The following GRHL1 variants were observed in gnomAD, a reference collection of about 807,000 sequenced individuals.
GRHL1 encodes the protein grainyhead-like protein 1 homolog.
GRHL1 carries 38 observed loss-of-function variants against 75.7 expected under a neutral mutation model. The observed-to-expected ratio is 0.50, with a 90% CI of 0.39 to 0.66. The LOEUF (loss-of-function observed/expected upper bound fraction) is 0.66, where lower values mean the gene tolerates loss of function less well. GRHL1 is among the 30% of genes least tolerant of loss of function. The pLI is 0.00. For synonymous variants in GRHL1, 266 were observed against 279.4 expected, an observed-to-expected ratio of 0.95 and a Z score of 0.48; for missense variants, 589 against 767.5, an observed-to-expected ratio of 0.77 and a Z score of 2.75.
intron 8 of GRHL1, among the ~76,000 whole-genome samples, chr2:9,975,878 ACT>A (rs1375368915): frequency 3.3e-5 from 5 of 152,142 alleles, no homozygotes; most frequent in South Asian, 2.1e-4. Flanking sequence ...AAGAAAAAAA[ACT>A]CTGTCTCAAA....
chr2:9,992,483 C>T lies in GRHL1; in HGVS notation c.1461+337C>T, dbSNP rs1360475220. Among the ~76,000 whole-genome samples, 1 of 152,050 alleles carries T rather than the reference C, an allele frequency of 6.6e-6. No homozygotes were observed. Among genetic ancestry groups the T allele is most frequent in the African/African-American group, 2.4e-5 (1 of 41,356 alleles). ...GAGCCTGTCATCTTTTTAAACTTAA[C>T]TTGGGGCAATACCTAGGTTAAGGAG... On this transcript the variant is annotated intron_variant, in intron 11 of 15. Transcript: ENST00000324907. This position sits in a 1 kb window ranked among gnomAD's most constrained non-coding sequence, Gnocchi z 4.6.
rs114205950 is a variant in GRHL1, at chr2:9,983,821, C to T, written c.1111-2303C>T. 5.3e-3 allele frequency among the ~76,000 whole-genome samples: 785 copies of T among 149,324 alleles called. 10 individuals carry two copies. The highest frequency in any genetic ancestry group is 0.018 in the African/African-American group (739 of 40,428). ...GAATGCATTCCACAGACTCTCCTTA[C>T]CTCTGATTTGTGGATTTAGAGATTG... is the stretch of plus-strand genomic sequence containing the variant. On this transcript the variant is annotated intron_variant, in intron 8 of 15. Transcript: ENST00000324907.
rs535988019 is a variant in GRHL1, at chr2:9,983,639, A to ACC, written c.1111-2484_1111-2483insCC. 4.2e-3 allele frequency among the ~76,000 whole-genome samples: 647 copies of ACC among 152,308 alleles called. 3 individuals carry two copies. Among genetic ancestry groups the ACC allele is most frequent in the African/African-American group, 0.014 (583 of 41,560 alleles). On this transcript the variant is annotated intron_variant, in intron 8 of 15. Coordinates refer to ENST00000324907, the MANE Select transcript of GRHL1 (RefSeq NM_198182.3). ...CCTGGAATCGTGAGGATGAAGTCGAACTTTCCCAGGCAGCTGTTTTTGAAC... is the reference window on the plus strand; with the variant it reads ...CCTGGAATCGTGAGGATGAAGTCGAACCCTTTCCCAGGCAGCTGTTTTTGAAC...
At chr2:9,970,229 G>A (rs545464568) in intron 8 of GRHL1, among the ~76,000 whole-genome samples, 10 of 152,216 alleles carry the variant, frequency 6.6e-5, no homozygotes, top group Non-Finnish European at 1.5e-4. Context: ...TCCTTACACT[G>A]TAAGGTGAAT....
chr2:9,971,658 A>T (rs765082111), intron 8 of GRHL1, among the ~76,000 whole-genome samples: 11 of 152,334 alleles, frequency 7.2e-5, no homozygotes, highest in Middle Eastern at 6.8e-3. Flanking sequence ...AAACAATGAA[A>T]TGTTTTTGTA....
chr2:9,961,486 A>G (rs1390348394), intron 4 of GRHL1, 50 bp downstream of exon 4: 15 of 1,504,664 alleles, frequency 1.0e-5, no homozygotes, highest in Non-Finnish European at 1.2e-5. Flanking sequence ...TTGTATAAGT[A>G]TTGGGTTCCA....
At position 9,955,073 on chromosome 2, in the gene GRHL1, C is replaced by T. The variant is rs770503406; in HGVS notation, c.179C>T (p.Ala60Val). 1 of 1,613,400 alleles carries T rather than the reference C, an allele frequency of 6.2e-7. No homozygotes were observed. The highest frequency in any genetic ancestry group is 8.5e-7 in the Non-Finnish European group (1 of 1,179,456). The part of the protein sequence containing the change: ...SINGDEDSAA[A>V]LGLLYDYYKV... ...AATGGAGATGAAGACAGCGCCGCTG[C>T]GCTGGGCCTGCTCTATGACTACTAC... Residue 60 changes from alanine (A) to valine (V), a missense_variant, in exon 2 of 16, where the codon GCG (alanine) becomes GTG (valine). This residue lies in a region of GRHL1 where 362 missense variants were observed against 461.8 expected (regional missense o/e 0.78). Transcript: ENST00000324907.
chr2:9,980,801 G>C (rs1286252856), intron 8 of GRHL1, among the ~76,000 whole-genome samples: 1 of 152,226 alleles, frequency 6.6e-6, no homozygotes, highest in Non-Finnish European at 1.5e-5. Flanking sequence ...CTGAAATGGG[G>C]CTTTTTAAGT....
rs1572322415 is a variant in GRHL1 at position 9,951,811 on chromosome 2, C to A, written c.-23C>A. 1 of 1,528,848 alleles carries A rather than the reference C, an allele frequency of 6.5e-7. No homozygotes were observed. Among genetic ancestry groups the A allele is most frequent in the Non-Finnish European group, 8.8e-7 (1 of 1,136,954 alleles). 94.7% of individuals were successfully genotyped at this position (1,528,848 alleles called of 1,614,324 possible). On this transcript the variant is annotated 5_prime_UTR_variant, in exon 1 of 16. Coordinates refer to ENST00000324907, the MANE Select transcript of GRHL1 (RefSeq NM_198182.3). The surrounding 1 kb of genome is among the most constrained non-coding windows in gnomAD (Gnocchi z 4.2). ...CCAACCCGAAAGTCCAGTTCTGCGG[C>A]CCGGCAGCGGCGAGCGGGCGCGATG...
At chr2:9,952,321 C>T (rs1404770027) in intron 1 of GRHL1, among the ~76,000 whole-genome samples, 1 of 152,232 alleles carries the variant, frequency 6.6e-6, no homozygotes, top group Non-Finnish European at 1.5e-5. Context: ...AGGCTCGTCA[C>T]TCGGCGACCT....
chr2:9,987,215 C>T lies in GRHL1; in HGVS notation c.1269+933C>T, dbSNP rs1208349959. On this transcript the variant is annotated intron_variant, in intron 9 of 15. Transcript: ENST00000324907. This position sits in a 1 kb window ranked among gnomAD's most constrained non-coding sequence, Gnocchi z 4.2. ...CTTGAATTCCTGGCCTCATGTGATG[C>T]GCCCACTTTGGCTTCCCAAAGTGCT... 1.3e-5 allele frequency among the ~76,000 whole-genome samples: 2 copies of T among 151,990 alleles called. No individual in the cohort carries two copies. The highest frequency in any genetic ancestry group is 2.9e-5 in the Non-Finnish European group (2 of 67,982).
In GRHL1 at chr2:9,951,727, GC is replaced by G; in HGVS notation, c.-105del. On this transcript the variant is annotated 5_prime_UTR_variant, in exon 1 of 16. Coordinates refer to ENST00000324907, the MANE Select transcript of GRHL1 (RefSeq NM_198182.3). The surrounding 1 kb of genome is among the most constrained non-coding windows in gnomAD (Gnocchi z 4.2). ...AAAGCAAACCCAACCCGTCGGGGCC[GC>G]CGCTCCGGACCCGCAGCCGCCGCCG... The G allele has an allele frequency of 9.2e-7, 1 of 1,083,018 alleles. No homozygotes were observed. Among genetic ancestry groups the G allele is most frequent in the Non-Finnish European group, 1.3e-6 (1 of 767,462 alleles). 67.1% of individuals were successfully genotyped at this position (1,083,018 alleles called of 1,614,324 possible). A position where few individuals can be genotyped will look rare whatever the true frequency, so the allele number is the denominator to read the frequency against.
chr2:9,953,231 GAGA>G (rs1263455580), intron 1 of GRHL1, among the ~76,000 whole-genome samples: 4 of 152,214 alleles, frequency 2.6e-5, no homozygotes, highest in Admixed American at 6.5e-5. Context: ...ATGTGGGTGG[GAGA>G]AGAAGGGAAG....
At chr2:9,967,272 C>A (rs937441221) in intron 8 of GRHL1, among the ~76,000 whole-genome samples, 3 of 152,220 alleles carry the variant, frequency 2.0e-5, no homozygotes, top group Non-Finnish European at 4.4e-5. Context: ...AGCTCTTCTT[C>A]GTTGGGTGTG....
rs534808349 is a variant in GRHL1, at chr2:9,958,642, G to A, written c.208-144G>A. 5.8e-5 allele frequency: 34 copies of A among 584,332 alleles called. No individual in the cohort carries two copies. In the South Asian group the frequency reaches 7.1e-4, roughly 12 times the overall value. 36.2% of individuals were successfully genotyped at this position (584,332 alleles called of 1,614,324 possible). ...TCGTTGAGGGCAGATATTATAATTT[G>A]TGTGTCCCCATAGCCTGGTGTTTGC... On this transcript the variant is annotated intron_variant, in intron 2 of 15. Transcript: ENST00000324907.
chr2:9,979,136 G>GGC (rs1169326057), intron 8 of GRHL1, among the ~76,000 whole-genome samples: 5 of 67,012 alleles, frequency 7.5e-5, no homozygotes, highest in Admixed American at 2.2e-4. Flanking sequence ...TTCCAGCCTG[G>GGC]GCAAGACTCT....
rs959628759 is a variant in GRHL1 at position 9,987,502 on chromosome 2, A to G, written c.1269+1220A>G. ...AGCTGTGTCCGAGTGGCTGAATCAC[A>G]AAGTGCTGTGCCTTCACAGCCCTCT... On this transcript the variant is annotated intron_variant, in intron 9 of 15. Transcript: ENST00000324907. The surrounding 1 kb of genome is among the most constrained non-coding windows in gnomAD (Gnocchi z 4.2). 6.6e-6 allele frequency among the ~76,000 whole-genome samples: 1 copy of G among 152,168 alleles called. No individual in the cohort carries two copies. Among genetic ancestry groups the G allele is most frequent in the Non-Finnish European group, 1.5e-5 (1 of 68,026 alleles).
intron 4 of GRHL1, 86 bp downstream of exon 4, chr2:9,961,522 A>G (rs1484433027): frequency 3.9e-6 from 5 of 1,298,436 alleles, no homozygotes; most frequent in Non-Finnish European, 5.3e-6. Context: ...GTAAGCATGA[A>G]ACTCAGCCTG....
In GRHL1 at chr2:9,986,768, G is replaced by A. The variant is rs1459191056; in HGVS notation, c.1269+486G>A. ...GTCATCCAGGCTGGAATTTAGTGGT[G>A]CAATCACTGCTCACTGTAGCCTCAA... On this transcript the variant is annotated intron_variant, in intron 9 of 15. Coordinates refer to ENST00000324907, the MANE Select transcript of GRHL1 (RefSeq NM_198182.3). 2.0e-5 allele frequency among the ~76,000 whole-genome samples: 3 copies of A among 152,186 alleles called. No individual in the cohort carries two copies. The South Asian group carries it at 6.2e-4, about 32-fold the overall frequency.
Sources: gnomAD v4.1 joint callset for allele counts (sites outside exome capture counted in the v4.1 genomes callset) on GRCh38, gnomAD v4.1.1 for gene constraint, gnomAD v4.1.1 regional missense constraint, Gnocchi (gnomAD v3.1) non-coding constraint, MANE v1.5 for transcripts, NCBI Gene and HGNC (gene_info 2026-07-23, HGNC 2026-07-21) for gene names.